The following ADCK1 variants were observed in gnomAD, a reference collection of about 807,000 sequenced individuals.
ADCK1 encodes aarF domain containing kinase 1.
Under a neutral mutation model 52.3 loss-of-function variants are expected in ADCK1, and 41 were observed. That is an observed-to-expected ratio of 0.78 (90% CI 0.61 to 1.02). The LOEUF is 1.02. Ranked by LOEUF, ADCK1 falls within the 50% of genes least tolerant of loss-of-function variation. ADCK1 has a pLI of 0.00. For synonymous variants in ADCK1, 250 were observed against 274.6 expected (o/e 0.91, Z 0.89); for missense variants, 658 against 679.5 (o/e 0.97, Z 0.35).
chr14:77,813,834 A>G (rs1269277086), intron 1 of ADCK1, among the ~76,000 whole-genome samples: 2 of 151,230 alleles, frequency 1.3e-5, no homozygotes, highest in East Asian at 3.9e-4. Context: ...CAGTGGTGCA[A>G]TCTCGGCTCA....
intron 3 of ADCK1, among the ~76,000 whole-genome samples, chr14:77,828,966 G>T (rs1367951898): frequency 1.3e-5 from 2 of 150,804 alleles, no homozygotes; most frequent in Non-Finnish European, 1.5e-5. Flanking sequence ...TTCCACCTTT[G>T]GCCACTGGGA....
chr14:77,863,967 A>C (rs2082608072), intron 4 of ADCK1, among the ~76,000 whole-genome samples: 2 of 152,176 alleles, frequency 1.3e-5, no homozygotes, highest in Admixed American at 1.3e-4. Context: ...TGGAGCACAG[A>C]AATACCTCTG....
intron 7 of ADCK1, among the ~76,000 whole-genome samples, chr14:77,919,319 T>C (rs1389338230): frequency 6.6e-6 from 1 of 152,260 alleles, no homozygotes; most frequent in Non-Finnish European, 1.5e-5. Context: ...AGCTACCACT[T>C]ATAAGTGGAA....
At chr14:77,893,761 T>G (rs1289338819) in intron 5 of ADCK1, among the ~76,000 whole-genome samples, 1 of 150,014 alleles carries the variant, frequency 6.7e-6, no homozygotes, top group Non-Finnish European at 1.5e-5. Context: ...TTTGACAGAG[T>G]CTCACTCTGT....
At chr14:77,821,355 T>C (rs2081578246) in intron 2 of ADCK1, among the ~76,000 whole-genome samples, 1 of 152,152 alleles carries the variant, frequency 6.6e-6, no homozygotes, top group Non-Finnish European at 1.5e-5. Flanking sequence ...GTCTTGCTTG[T>C]GGTTGGTGTC....
chr14:77,851,669 G>A (rs902605315), intron 3 of ADCK1, among the ~76,000 whole-genome samples: 7 of 151,914 alleles, frequency 4.6e-5, no homozygotes, highest in Non-Finnish European at 1.0e-4. Flanking sequence ...TTAGTTTATA[G>A]TATACATCTT....
chr14:77,902,047 A>G (rs2364747), intron 6 of ADCK1, among the ~76,000 whole-genome samples: 90,373 of 152,032 alleles, frequency 0.59, 27,164 homozygotes, highest in East Asian at 0.7. Flanking sequence ...GGATCAGGGA[A>G]AAGGGACTCT....
chr14:77,850,648 C>CT (rs58373247), intron 3 of ADCK1, among the ~76,000 whole-genome samples: 65 of 107,978 alleles, frequency 6.0e-4, no homozygotes, highest in Non-Finnish European at 8.5e-4. Context: ...CATGATATAT[C>CT]TTTTTTTTTT....
Position 77,914,292 on chromosome 14 carries a change from T to C in ADCK1, c.858+6373T>C, listed in dbSNP as rs1020558443. The C allele has an allele frequency of 2.0e-5, 10 of 504,384 alleles. No homozygotes were observed. In the African/African-American group the frequency reaches 2.1e-4, roughly 11 times the overall value. The allele number at this position is 504,384 out of a possible 1,614,324, so 31.2% of individuals were successfully genotyped here. On this transcript the variant is annotated intron_variant, in intron 7 of 10. Transcript: ENST00000238561. ...TTCTTTTCTTGTTGTGGTGGGGTCT[T>C]TGCCTTCTTTACTACTTTTAGAGTC... is the stretch of plus-strand genomic sequence containing the variant.
At chr14:77,830,605 T>C (rs2081827010) in intron 3 of ADCK1, among the ~76,000 whole-genome samples, 1 of 151,180 alleles carries the variant, frequency 6.6e-6, no homozygotes, top group African/African-American at 2.4e-5. Flanking sequence ...TTATTGAATT[T>C]TTTTTTTTAA....
intron 4 of ADCK1, among the ~76,000 whole-genome samples, chr14:77,876,988 G>T (rs1228768557): frequency 1.3e-5 from 2 of 152,236 alleles, no homozygotes; most frequent in Non-Finnish European, 2.9e-5. Context: ...GCCAAGGCGG[G>T]TGGATCACCT....
chr14:77,840,755 C>T (rs753810484), intron 3 of ADCK1, among the ~76,000 whole-genome samples: 7 of 151,572 alleles, frequency 4.6e-5, no homozygotes, highest in African/African-American at 7.3e-5. Flanking sequence ...GGCTGAAGCA[C>T]GAGAATAGCT....
At chr14:77,806,746 G>A (rs530176858) in intron 1 of ADCK1, among the ~76,000 whole-genome samples, 54 of 152,050 alleles carry the variant, frequency 3.6e-4, no homozygotes, top group African/African-American at 1.2e-3. Flanking sequence ...ACAGAGTATC[G>A]CTTTGTCACC....
chr14:77,905,303 G>GTTTT (rs1566722295), intron 6 of ADCK1, among the ~76,000 whole-genome samples: 4 of 65,340 alleles, frequency 6.1e-5, no homozygotes, highest in South Asian at 8.0e-4. Flanking sequence ...TTTCCTAGCT[G>GTTTT]GTTTTTTTTT....
intron 5 of ADCK1, among the ~76,000 whole-genome samples, chr14:77,890,603 G>A (rs1049228540): frequency 5.3e-5 from 8 of 152,160 alleles, no homozygotes; most frequent in East Asian, 3.9e-4. Flanking sequence ...TGTTGCAGCC[G>A]TTTTGGAAAA....
intron 7 of ADCK1, among the ~76,000 whole-genome samples, chr14:77,913,863 G>A (rs772059091): frequency 2.0e-5 from 3 of 152,092 alleles, no homozygotes; most frequent in Non-Finnish European, 2.9e-5. Context: ...TCCAGGAGGC[G>A]AGAGTGCCAG....
chr14:77,887,333 C>G, intron 5 of ADCK1, 84 bp downstream of exon 5: 1 of 1,423,418 alleles, frequency 7.0e-7, no homozygotes, highest in East Asian at 2.6e-5. Context: ...CTGGTTCAAG[C>G]TGGTGAGTGG....
chr14:77,928,595 G>C (rs2084252011), intron 9 of ADCK1, among the ~76,000 whole-genome samples: 1 of 151,906 alleles, frequency 6.6e-6, no homozygotes, highest in South Asian at 2.1e-4. Context: ...CTGAGTAGCT[G>C]GGATTACAGG....
At chr14:77,926,476 T>TTTTG (rs1159003970) in intron 9 of ADCK1, among the ~76,000 whole-genome samples, 2 of 152,180 alleles carry the variant, frequency 1.3e-5, no homozygotes, top group South Asian at 2.1e-4. Context: ...CTGCAGACTT[T>TTTTG]TTTGTTTGTT....
Sources: allele counts gnomAD v4.1 joint callset (sites outside exome capture counted in the v4.1 genomes callset), GRCh38; gene constraint gnomAD v4.1.1; transcripts MANE v1.5; gene names NCBI Gene and HGNC (gene_info 2026-07-23, HGNC 2026-07-21).